Variants in GSK3B observed in about 807,000 individuals in gnomAD.
GSK3B encodes the protein glycogen synthase kinase 3 beta.
A neutral mutation model predicts 56.4 loss-of-function variants in GSK3B; 15 were observed. The observed-to-expected ratio is 0.27, with a 90% CI of 0.18 to 0.41. The LOEUF is 0.41. Ranked by LOEUF, GSK3B falls within the 10% of genes least tolerant of loss-of-function variation. GSK3B has a pLI of 1.00. For missense variants in GSK3B, 300 were observed against 513.4 expected (o/e 0.58, Z 4.02); for synonymous variants, 181 against 188.9 (o/e 0.96, Z 0.34).
chr3:119,993,450 A>G (rs1277896009), intron 2 of GSK3B, among the ~76,000 whole-genome samples: 1 of 152,148 alleles, frequency 6.6e-6, no homozygotes, highest in East Asian at 1.9e-4. Flanking sequence ...AAAAAATTAA[A>G]ATTAAAAAAA....
At chr3:119,918,390 G>A (rs1023071751) in intron 4 of GSK3B, among the ~76,000 whole-genome samples, 1 of 150,890 alleles carries the variant, frequency 6.6e-6, no homozygotes, top group African/African-American at 2.5e-5. Context: ...GAATTGCTTG[G>A]ACCCGGGAGA....
chr3:120,026,192 C>G (rs531399836), intron 1 of GSK3B, among the ~76,000 whole-genome samples: 1 of 151,956 alleles, frequency 6.6e-6, no homozygotes, highest in African/African-American at 2.4e-5. Context: ...ACAATAAAAC[C>G]AGGTGCTCTC....
chr3:119,978,809 C>G (rs1343829231), intron 2 of GSK3B, among the ~76,000 whole-genome samples: 1 of 152,168 alleles, frequency 6.6e-6, no homozygotes, highest in African/African-American at 2.4e-5. Context: ...TCTTGCAGTA[C>G]CCAGGAAAAG....
rs191890835 is a variant in GSK3B, at chr3:119,926,260, G to T, written c.367-2777C>A. ...CACTAGTATATCCAACTGTGTATCT[G>T]GTATTGCTCTGGCTGAAAACCTTAG... On this transcript the variant is annotated intron_variant, in intron 3 of 10. Transcript: ENST00000264235. 1.7e-3 allele frequency among the ~76,000 whole-genome samples: 261 copies of T among 151,586 alleles called. 4 individuals carry two copies. The highest frequency in any genetic ancestry group is 1.9e-4 in the Non-Finnish European group (13 of 67,912).
intron 2 of GSK3B, among the ~76,000 whole-genome samples, chr3:120,000,517 G>C (rs893189585): frequency 6.6e-6 from 1 of 152,152 alleles, no homozygotes; most frequent in Non-Finnish European, 1.5e-5. Flanking sequence ...CCAGAACAGT[G>C]ATCACTTCTT....
At chr3:120,092,539 C>T (rs1050847108) in intron 1 of GSK3B, among the ~76,000 whole-genome samples, 1 of 152,182 alleles carries the variant, frequency 6.6e-6, no homozygotes, top group Admixed American at 6.5e-5. Context: ...TAGTATTTGG[C>T]ACTATGACAA....
At chr3:120,018,393 C>T (rs1352539367) in intron 1 of GSK3B, among the ~76,000 whole-genome samples, 1 of 152,098 alleles carries the variant, frequency 6.6e-6, no homozygotes, top group African/African-American at 2.4e-5. Flanking sequence ...TACGGTGGTT[C>T]CATAGGGCCA....
intron 1 of GSK3B, among the ~76,000 whole-genome samples, chr3:120,003,561 A>C (rs772136877): frequency 1.5e-4 from 23 of 152,234 alleles, no homozygotes; most frequent in Non-Finnish European, 2.9e-4. Context: ...ACTGAATTCC[A>C]ATTAACCTAA....
chr3:119,854,899 T>A (rs2055994508), intron 9 of GSK3B, among the ~76,000 whole-genome samples: 1 of 152,124 alleles, frequency 6.6e-6, no homozygotes, highest in African/African-American at 2.4e-5. Context: ...TTTTGAAGGG[T>A]TTTTTGCGTC....
At chr3:119,840,781 T>C (rs1415894166) in intron 10 of GSK3B, among the ~76,000 whole-genome samples, 1 of 152,134 alleles carries the variant, frequency 6.6e-6, no homozygotes, top group Non-Finnish European at 1.5e-5. Flanking sequence ...AAAAAAAGTA[T>C]CTATTTGAAA....
intron 5 of GSK3B, among the ~76,000 whole-genome samples, chr3:119,913,519 C>A (rs2056754709): frequency 6.6e-6 from 1 of 151,982 alleles, no homozygotes; most frequent in Non-Finnish European, 1.5e-5. Flanking sequence ...CAATTAATTT[C>A]TTTTGAGATG....
intron 2 of GSK3B, among the ~76,000 whole-genome samples, chr3:119,979,392 C>G (rs1392494979): frequency 6.6e-6 from 1 of 152,058 alleles, no homozygotes; most frequent in Non-Finnish European, 1.5e-5. Context: ...GTATTCTTAT[C>G]CCCCTGCATC....
intron 3 of GSK3B, among the ~76,000 whole-genome samples, chr3:119,937,894 CAAATAA>C (rs1362085561): frequency 2.0e-5 from 3 of 151,380 alleles, no homozygotes; most frequent in Non-Finnish European, 2.9e-5. Flanking sequence ...GATAGACTGA[CAAATAA>C]AAAGAAAAAG....
chr3:119,851,434 G>T (rs2055928987), intron 9 of GSK3B, among the ~76,000 whole-genome samples: 1 of 152,148 alleles, frequency 6.6e-6, no homozygotes, highest in African/African-American at 2.4e-5. Context: ...GATAAAATGG[G>T]ACAGGTAAGA....
chr3:119,974,511 T>G (rs1265756777), intron 2 of GSK3B, among the ~76,000 whole-genome samples: 1 of 152,142 alleles, frequency 6.6e-6, no homozygotes, highest in African/African-American at 2.4e-5. Context: ...AAGAAGGCAC[T>G]ATCTATGAAC....
intron 1 of GSK3B, among the ~76,000 whole-genome samples, chr3:120,092,665 C>A (rs186342021): frequency 6.6e-6 from 1 of 152,286 alleles, no homozygotes; most frequent in Admixed American, 6.5e-5. Context: ...AGAGATAACA[C>A]ATCAAACCAC....
chr3:120,036,166 T>C (rs1471964138), intron 1 of GSK3B, among the ~76,000 whole-genome samples: 1 of 152,222 alleles, frequency 6.6e-6, no homozygotes. Flanking sequence ...ATTAGTTTTA[T>C]CATGAATAGA....
intron 5 of GSK3B, among the ~76,000 whole-genome samples, chr3:119,915,021 C>T (rs925540556): frequency 6.6e-6 from 1 of 151,896 alleles, no homozygotes; most frequent in Non-Finnish European, 1.5e-5. Context: ...GGTGATTACA[C>T]CAGTGAGGAA....
intron 10 of GSK3B, among the ~76,000 whole-genome samples, chr3:119,839,399 T>C (rs1445239425): frequency 6.6e-6 from 1 of 152,160 alleles, no homozygotes; most frequent in Non-Finnish European, 1.5e-5. Flanking sequence ...TACTTTAGGA[T>C]TGAGCTTTGT....
Sources: gnomAD v4.1 joint callset for allele counts (sites outside exome capture counted in the v4.1 genomes callset) on GRCh38, gnomAD v4.1.1 for gene constraint, MANE v1.5 for transcripts, NCBI Gene and HGNC (gene_info 2026-07-23, HGNC 2026-07-21) for gene names.